SLC26A8: variants seen among roughly 807,000 people sequenced by gnomAD.
The protein encoded by SLC26A8 is solute carrier family 26 member 8.
SLC26A8 carries 70 observed loss-of-function variants against 105.0 expected under a neutral mutation model. That is an observed-to-expected ratio of 0.67 (90% CI 0.55 to 0.81). The LOEUF (loss-of-function observed/expected upper bound fraction) is 0.81. SLC26A8 is among the 40% of genes least tolerant of loss of function. The pLI, the probability that SLC26A8 is intolerant of heterozygous loss-of-function variation, is 0.00. For missense variants in SLC26A8, 998 were observed against 1,181.8 expected (o/e 0.84, Z 2.28); for synonymous variants, 415 against 438.3 (o/e 0.95, Z 0.66).
chr6:35,992,249 A>C (rs1761190825), intron 6 of SLC26A8, among the ~76,000 whole-genome samples: 1 of 152,208 alleles, frequency 6.6e-6, no homozygotes. Flanking sequence ...TAAAGGCCAA[A>C]TTTTAATGTA....
At chr6:35,958,176 C>A (rs948113434) in intron 16 of SLC26A8, among the ~76,000 whole-genome samples, 1 of 152,186 alleles carries the variant, frequency 6.6e-6, no homozygotes, top group African/African-American at 2.4e-5. Flanking sequence ...TGAGCTCATG[C>A]CAATCTCCCC....
In SLC26A8 at chr6:35,955,185, G is replaced by A. The variant is rs765897190; in HGVS notation, c.2199C>T (p.Tyr733=). Residue 733 remains tyrosine, a synonymous_variant, in exon 17 of 20, where the codon TAC becomes TAT. Transcript: ENST00000490799. ...ATACGACTAACCCCCGTGAATCCAC[G>A]TAGTGTACCATGGAGAAATCCAGGA... ...TIILDFSMVH[Y]VDSRGLVVLR... is the part of the protein sequence containing the mutation. 56 of 1,614,014 alleles carry A rather than the reference G, an allele frequency of 3.5e-5. No homozygotes were observed. The highest frequency in any genetic ancestry group is 5.3e-5 in the African/African-American group (4 of 74,906).
chr6:35,973,888 G>A (rs997912290), intron 10 of SLC26A8, among the ~76,000 whole-genome samples: 4 of 152,268 alleles, frequency 2.6e-5, no homozygotes, highest in South Asian at 2.1e-4. Flanking sequence ...TTTCTCTGGC[G>A]TCTGAATGCT....
At chr6:36,007,753 G>A (rs1324562049) in intron 3 of SLC26A8, among the ~76,000 whole-genome samples, 2 of 152,066 alleles carry the variant, frequency 1.3e-5, no homozygotes, top group Admixed American at 6.6e-5. Context: ...GAAAATTTAG[G>A]AGACTCACAC....
chr6:35,991,788 T>C lies in SLC26A8; in HGVS notation c.813A>G (p.Val271=). Residue 271 remains valine (V), a synonymous_variant, in exon 7 of 20, where the codon GTA becomes GTG. Coordinates refer to ENST00000490799, the MANE Select transcript of SLC26A8 (RefSeq NM_052961.4). Reference sequence around the variant, plus strand: ...TGGTGGAATTCGCTTTTGGGAGAGCTACACAGTAATTAATTATGTCCTGAA... The same window carrying C: ...TGGTGGAATTCGCTTTTGGGAGAGCCACACAGTAATTAATTATGTCCTGAA... ...SFFYDIINYC[V]ALPKANSTSI... 6.3e-7 allele frequency: 1 copy of C among 1,597,100 alleles called. No homozygotes were observed. The highest frequency in any genetic ancestry group is 1.1e-5 in the South Asian group (1 of 87,002).
At chr6:35,970,952 T>C (rs1772775150) in intron 10 of SLC26A8, among the ~76,000 whole-genome samples, 1 of 152,024 alleles carries the variant, frequency 6.6e-6, no homozygotes, top group Non-Finnish European at 1.5e-5. Context: ...CGTTTGCACC[T>C]GGGAGGCAGA....
At chr6:35,982,355 GC>G in intron 7 of SLC26A8, 152 bp from the exon 8 acceptor site, 1 of 694,538 alleles carries the variant, frequency 1.4e-6, no homozygotes, top group Non-Finnish European at 2.4e-6. Flanking sequence ...GAGAGGCATG[GC>G]TAGTTCAGCG....
At chr6:36,014,053 G>C (rs1405068497) in intron 2 of SLC26A8, among the ~76,000 whole-genome samples, 1 of 152,214 alleles carries the variant, frequency 6.6e-6, no homozygotes, top group Non-Finnish European at 1.5e-5. Context: ...CCATGAGTAA[G>C]ACCATTGGTT....
intron 5 of SLC26A8, among the ~76,000 whole-genome samples, chr6:35,995,974 CTGTT>C (rs1562057916): frequency 6.6e-6 from 1 of 152,130 alleles, no homozygotes; most frequent in Non-Finnish European, 1.5e-5. Context: ...TTTTTGGTCT[CTGTT>C]AAAGTACCAA....
chr6:35,954,289 T>C (rs980397532), intron 17 of SLC26A8, among the ~76,000 whole-genome samples: 1 of 152,186 alleles, frequency 6.6e-6, no homozygotes, highest in East Asian at 1.9e-4. Context: ...TTTCACCTGA[T>C]GATGTGTCAG....
intron 1 of SLC26A8, among the ~76,000 whole-genome samples, chr6:36,021,266 C>A (rs1353563469): frequency 6.6e-6 from 1 of 151,876 alleles, no homozygotes; most frequent in East Asian, 1.9e-4. Context: ...ATAATTAGTG[C>A]CTCATGTCTC....
intron 16 of SLC26A8, among the ~76,000 whole-genome samples, chr6:35,958,054 G>A (rs751168144): frequency 5.3e-5 from 8 of 152,182 alleles, no homozygotes; most frequent in Middle Eastern, 6.8e-3. Context: ...TGTCTTTGTC[G>A]AAGCCTGTCC....
At chr6:36,002,752 G>C (rs538074992) in intron 3 of SLC26A8, among the ~76,000 whole-genome samples, 1 of 151,168 alleles carries the variant, frequency 6.6e-6, no homozygotes, top group Non-Finnish European at 1.5e-5. Flanking sequence ...TGTCTCCCAG[G>C]CTGGAGTGCA....
In SLC26A8 at chr6:35,959,790, C is replaced by A; in HGVS notation, c.1655G>T (p.Gly552Val). The A allele has an allele frequency of 1.9e-6, 3 of 1,607,874 alleles. No individual in the cohort carries two copies. Among genetic ancestry groups the A allele is most frequent in the Non-Finnish European group, 8.5e-7 (1 of 1,178,420 alleles). The part of the protein sequence containing the change: ...NDYREIITIP[G>V]VKIFQCCSSI... Reference sequence around the variant, plus strand: ...GCTGCAGCACTGGAAGATTTTCACCCCAGGAATGGTGATGATCTGCAAGAC... The same window carrying A: ...GCTGCAGCACTGGAAGATTTTCACCACAGGAATGGTGATGATCTGCAAGAC... The change falls in exon 15 of 20, where the codon GGG (glycine) becomes GTG (valine). Residue 552 changes from glycine to valine, a missense_variant. Physicochemically the swap from Gly to Val is moderately radical, Grantham distance 109 (BLOSUM62 -3). Transcript: ENST00000490799.
chr6:35,955,591 T>C, intron 16 of SLC26A8, 71 bp from the exon 17 acceptor site: 2 of 1,552,534 alleles, frequency 1.3e-6, no homozygotes, highest in Non-Finnish European at 8.7e-7. Flanking sequence ...GCAACGATGC[T>C]ATTTCTTGTC....
chr6:36,024,510 C>T lies in SLC26A8; in HGVS notation c.-9G>A. ...TCTCCCAGCAGCGGCTCACCTGGCT[C>T]CTTGGCGGGGGCGGGAGTGCGGGCG... On this transcript the variant is annotated 5_prime_UTR_variant, in exon 1 of 20. Coordinates refer to ENST00000490799, the MANE Select transcript of SLC26A8 (RefSeq NM_052961.4). The T allele has an allele frequency of 2.3e-6, 1 of 443,402 alleles. No homozygotes were observed. Among genetic ancestry groups the T allele is most frequent in the Non-Finnish European group, 4.5e-6 (1 of 221,958 alleles). The allele number at this position is 443,402 out of a possible 1,614,324, so 27.5% of individuals were successfully genotyped here.
At chr6:36,021,433 A>G (rs1581705463) in intron 1 of SLC26A8, among the ~76,000 whole-genome samples, 1 of 152,084 alleles carries the variant, frequency 6.6e-6, no homozygotes. Flanking sequence ...GTTCCCAGCA[A>G]CCTAAACAAG....
intron 7 of SLC26A8, among the ~76,000 whole-genome samples, chr6:35,987,727 G>A (rs1384993578): frequency 1.3e-5 from 2 of 151,968 alleles, no homozygotes; most frequent in Non-Finnish European, 2.9e-5. Flanking sequence ...GAAAGAAGAG[G>A]GAACTTGCAC....
intron 5 of SLC26A8, 148 bp downstream of exon 5, chr6:35,997,590 C>T: frequency 1.3e-6 from 1 of 743,554 alleles, no homozygotes; most frequent in East Asian, 2.7e-5. Flanking sequence ...AGGAGACACG[C>T]TATTCACACA....
Sources: gnomAD v4.1 joint callset for allele counts (sites outside exome capture counted in the v4.1 genomes callset) on GRCh38, gnomAD v4.1.1 for gene constraint, MANE v1.5 for transcripts, NCBI Gene and HGNC (gene_info 2026-07-23, HGNC 2026-07-21) for gene names.